The following TRIM66 variants were observed in gnomAD, a reference collection of about 807,000 sequenced individuals.
The protein encoded by TRIM66 is tripartite motif-containing protein 66.
In TRIM66, 99 loss-of-function variants were observed where a neutral mutation model predicts 148.2. The ratio of observed to expected loss-of-function variants is 0.67; its 90% CI spans 0.57 to 0.79. TRIM66 has a LOEUF of 0.79. Ranked by LOEUF, TRIM66 falls within the 30% of genes least tolerant of loss-of-function variation. TRIM66 has a pLI of 0.00. For missense variants in TRIM66, 1,666 were observed against 1,697.9 expected, an observed-to-expected ratio of 0.98 and a Z score of 0.33; for synonymous variants, 616 against 635.9, an observed-to-expected ratio of 0.97 and a Z score of 0.47.
intron 12 of TRIM66, among the ~76,000 whole-genome samples, chr11:8,643,748 A>T (rs1354013803): frequency 1.3e-5 from 2 of 152,048 alleles, no homozygotes; most frequent in East Asian, 3.9e-4. Flanking sequence ...CTCAATTTAA[A>T]AGCCTAGTGG....
Position 8,640,819 on chromosome 11 carries a change from G to T in TRIM66, c.1556C>A (p.Ala519Asp), listed in dbSNP as rs995036797. 1 of 1,550,698 alleles carries T rather than the reference G, an allele frequency of 6.4e-7. No individual in the cohort carries two copies. Among genetic ancestry groups the T allele is most frequent in the Admixed American group, 2.0e-5 (1 of 51,008 alleles). The change falls in exon 14 of 25, where the codon GCC becomes GAC. Residue 519 changes from alanine (A) to aspartate (D), a missense_variant. Ala to Asp is a moderately radical substitution (Grantham distance 126). This residue lies in a region of TRIM66 where 1,431 missense variants were observed against 1,412.4 expected (regional missense o/e 1.01). Coordinates refer to ENST00000646038, the MANE Select transcript of TRIM66 (RefSeq NM_001388022.1). ...SALLPREKEL[A>D]CSPHPPKLLQ... ...CAGCTTTGGTGGATGAGGGCTGCAG[G>T]CCAGCTCTTTCTCCCTGGGCAGCAG...
At chr11:8,656,727 C>T (rs1592160228) in intron 6 of TRIM66, among the ~76,000 whole-genome samples, 1 of 152,198 alleles carries the variant, frequency 6.6e-6, no homozygotes, top group South Asian at 2.1e-4. Flanking sequence ...AGAGAGCATC[C>T]CCTTCCCCTG....
chr11:8,669,904 T>C (rs982697796), intron 6 of TRIM66, among the ~76,000 whole-genome samples: 2 of 152,222 alleles, frequency 1.3e-5, no homozygotes, highest in Non-Finnish European at 2.9e-5. Context: ...AGGTTTGTTA[T>C]ATAGGTACAT....
rs2036350673 is a variant in TRIM66 at position 8,641,095 on chromosome 11, C to A, written c.1280G>T (p.Gly427Val). Residue 427 changes from glycine to valine, a missense_variant, in exon 14 of 25, where the codon GGC becomes GTC. Coordinates refer to ENST00000646038, the MANE Select transcript of TRIM66 (RefSeq NM_001388022.1). ...ATAAAAGGGTGATGACCCCTGTAAGCCTCCATAAGCAGGAGCATCTGCCCT... is the reference window on the plus strand; with the variant it reads ...ATAAAAGGGTGATGACCCCTGTAAGACTCCATAAGCAGGAGCATCTGCCCT... ...MSRADAPAYG[G>V]LQGSSPFYQS... 2 of 1,551,564 alleles carry A rather than the reference C, an allele frequency of 1.3e-6. No individual in the cohort carries two copies. The highest frequency in any genetic ancestry group is 1.7e-6 in the Non-Finnish European group (2 of 1,146,968).
chr11:8,640,094 T>A (rs2036230554), intron 14 of TRIM66, 133 bp downstream of exon 14: 1 of 896,218 alleles, frequency 1.1e-6, no homozygotes, highest in Non-Finnish European at 1.7e-6. Context: ...TTTTGAAATG[T>A]GAGGGCTGAG....
rs966242484 is a variant in TRIM66, at chr11:8,628,146, A to AT, written c.2311-2919dup. The stretch of plus-strand genomic sequence containing the variant: ...CACGCCCATCCTGAATGGTAAATCT[A>AT]TTTTTTTTTCTTTACATTTGTTTTT... On this transcript the variant is annotated intron_variant, in intron 15 of 24. Coordinates refer to ENST00000646038, the MANE Select transcript of TRIM66 (RefSeq NM_001388022.1). Among the ~76,000 whole-genome samples the AT allele has an allele frequency of 7.9e-5, 12 of 151,046 alleles. No homozygotes were observed. The East Asian group carries it at 9.7e-4, about 12-fold the overall frequency.
chr11:8,667,437 T>C (rs2038670703), intron 6 of TRIM66, among the ~76,000 whole-genome samples: 1 of 152,006 alleles, frequency 6.6e-6, no homozygotes, highest in Admixed American at 6.6e-5. Flanking sequence ...TGGGAGAAAA[T>C]ATTTGCAAAT....
chr11:8,649,936 T>G (rs2037210484), intron 7 of TRIM66, 49 bp from the exon 8 acceptor site: 1 of 1,530,850 alleles, frequency 6.5e-7, no homozygotes, highest in Non-Finnish European at 8.8e-7. Flanking sequence ...CATTTGTGTC[T>G]GCCTCCACAA....
Position 8,646,618 on chromosome 11 carries a change from G to A in TRIM66, c.843-57C>T, listed in dbSNP as rs538726002. ...CTTTCCTCATGGACTATATGAAGAC[G>A]AAGAGACAGCAAACATAAGAACCAA... On this transcript the variant is annotated intron_variant, in intron 10 of 24. Coordinates refer to ENST00000646038, the MANE Select transcript of TRIM66 (RefSeq NM_001388022.1). 73 of 1,384,830 alleles carry A rather than the reference G, an allele frequency of 5.3e-5. No homozygotes were observed. The South Asian group carries it at 5.7e-4, about 11-fold the overall frequency. 85.8% of individuals were successfully genotyped at this position (1,384,830 alleles called of 1,614,324 possible).
intron 1 of TRIM66, 175 bp downstream of exon 1, chr11:8,682,426 G>GC (rs35981610): frequency 0.33 from 94,700 of 291,244 alleles, 17,994 homozygotes; most frequent in Non-Finnish European, 0.41. Flanking sequence ...CAGGGCTGGC[G>GC]CATTTGGTGA....
At chr11:8,633,439 A>C (rs2035599612) in intron 15 of TRIM66, among the ~76,000 whole-genome samples, 1 of 152,188 alleles carries the variant, frequency 6.6e-6, no homozygotes, top group South Asian at 2.1e-4. Flanking sequence ...GACCTAGACA[A>C]AAATCTTAGG....
At chr11:8,668,435 T>C (rs780052910) in intron 6 of TRIM66, among the ~76,000 whole-genome samples, 5 of 152,140 alleles carry the variant, frequency 3.3e-5, no homozygotes, top group Non-Finnish European at 5.9e-5. Context: ...TCTGGGATAC[T>C]GAGATGGCCC....
chr11:8,662,993 T>C (rs1013347792), intron 6 of TRIM66: 1 of 152,244 alleles, frequency 6.6e-6, no homozygotes, highest in African/African-American at 2.4e-5. Context: ...GGGACCATTC[T>C]TAATTAGCCA....
intron 20 of TRIM66, 42 bp from the exon 21 acceptor site, chr11:8,620,614 C>T (rs1264862703): frequency 1.3e-5 from 20 of 1,541,662 alleles, no homozygotes; most frequent in Non-Finnish European, 1.7e-5. Flanking sequence ...CAGCACATTG[C>T]CCAGAGCACC....
intron 4 of TRIM66, among the ~76,000 whole-genome samples, chr11:8,674,475 G>A (rs553086983): frequency 2.6e-4 from 40 of 152,290 alleles, no homozygotes; most frequent in African/African-American, 8.7e-4. Flanking sequence ...AAACTTCTGA[G>A]CTCAACCAAA....
In TRIM66 at chr11:8,614,016, T is replaced by C. The variant is rs1162945304; in HGVS notation, c.*3928A>G. ...GCAGCAAATATGATGATGCCGAAAA[T>C]GGAGAATGGCTGATAGTTTCAGCAA... On this transcript the variant is annotated 3_prime_UTR_variant, in exon 25 of 25. Coordinates refer to ENST00000646038, the MANE Select transcript of TRIM66 (RefSeq NM_001388022.1). 1 of 151,856 alleles carries C rather than the reference T, an allele frequency of 6.6e-6. No individual in the cohort carries two copies. The highest frequency in any genetic ancestry group is 1.5e-5 in the Non-Finnish European group (1 of 68,032). 9.4% of individuals were successfully genotyped at this position (151,856 alleles called of 1,614,324 possible).
intron 22 of TRIM66, 102 bp downstream of exon 22, chr11:8,619,948 T>G: frequency 2.7e-6 from 3 of 1,096,308 alleles, no homozygotes. Context: ...ACTCAGAATT[T>G]TGTGACTCTA....
chr11:8,669,040 T>C (rs1019904739), intron 6 of TRIM66, among the ~76,000 whole-genome samples: 5 of 152,192 alleles, frequency 3.3e-5, no homozygotes, highest in Admixed American at 2.6e-4. Context: ...ACTTCACCTC[T>C]TGGTGGGATG....
intron 15 of TRIM66, among the ~76,000 whole-genome samples, chr11:8,625,463 T>TTGTG (rs147088164): frequency 0.014 from 2,130 of 148,226 alleles, 25 homozygotes; most frequent in Middle Eastern, 0.031. Flanking sequence ...CGGAGAACTA[T>TTGTG]TGTGTGTGTG....
Sources: allele counts gnomAD v4.1 joint callset (sites outside exome capture counted in the v4.1 genomes callset), GRCh38; gene constraint gnomAD v4.1.1; regional missense constraint gnomAD v4.1.1; transcripts MANE v1.5; gene names NCBI Gene and HGNC (gene_info 2026-07-23, HGNC 2026-07-21).